The following TMPRSS13 variants were observed in gnomAD, a reference collection of about 807,000 sequenced individuals.
TMPRSS13 encodes the protein transmembrane protease serine 13.
TMPRSS13 carries 50 observed loss-of-function variants against 68.4 expected under a neutral mutation model. That is an observed-to-expected ratio of 0.73 (90% CI 0.58 to 0.93). The LOEUF (loss-of-function observed/expected upper bound fraction) is 0.93, where lower values mean the gene tolerates loss of function less well. Among genes scored for constraint, TMPRSS13 ranks in the 40% least tolerant of loss-of-function variants. TMPRSS13 has a pLI of 0.00. For missense variants in TMPRSS13, 615 were observed against 729.2 expected (o/e 0.84, Z 1.80); for synonymous variants, 267 against 285.8 (o/e 0.93, Z 0.66).
intron 5 of TMPRSS13, among the ~76,000 whole-genome samples, chr11:117,913,007 G>A (rs1379606822): frequency 1.3e-5 from 2 of 152,176 alleles, no homozygotes; most frequent in African/African-American, 4.8e-5. Context: ...ACAGGCTGAG[G>A]TGGGGTGGAG....
At chr11:117,909,687 C>T (rs1461224640) in intron 8 of TMPRSS13, 119 bp downstream of exon 8, 7 of 1,254,012 alleles carry the variant, frequency 5.6e-6, no homozygotes, top group Non-Finnish European at 6.6e-6. Context: ...CCAACTGGCC[C>T]ATGGGGGCTG....
intron 9 of TMPRSS13, among the ~76,000 whole-genome samples, chr11:117,906,061 A>G (rs1024792122): frequency 6.6e-6 from 1 of 152,238 alleles, no homozygotes; most frequent in Non-Finnish European, 1.5e-5. Context: ...GTCTCTCCCT[A>G]CTGAGAGGGT....
intron 6 of TMPRSS13, among the ~76,000 whole-genome samples, chr11:117,911,051 C>T (rs1296713876): frequency 6.6e-6 from 1 of 152,202 alleles, no homozygotes; most frequent in Non-Finnish European, 1.5e-5. Context: ...ACTTCATTGT[C>T]GCAGCATCTT....
chr11:117,911,383 C>G (rs191893949), intron 6 of TMPRSS13, among the ~76,000 whole-genome samples: 12 of 152,234 alleles, frequency 7.9e-5, no homozygotes, highest in African/African-American at 2.9e-4. Context: ...AGTAGAGGAG[C>G]GGCATGTGCA....
At chr11:117,910,888 G>T in intron 6 of TMPRSS13, 138 bp from the exon 7 acceptor site, 1 of 766,112 alleles carries the variant, frequency 1.3e-6, no homozygotes, top group Non-Finnish European at 2.1e-6. Context: ...GAGATTCTGA[G>T]CTTCCCCTTT....
chr11:117,924,417 C>T (rs1302375532), intron 1 of TMPRSS13, among the ~76,000 whole-genome samples: 1 of 152,118 alleles, frequency 6.6e-6, no homozygotes, highest in Non-Finnish European at 1.5e-5. Context: ...AGACAGAGGC[C>T]CCCGTGGCAG....
intron 11 of TMPRSS13, 60 bp downstream of exon 11, chr11:117,903,899 C>T (rs777374902): frequency 3.1e-6 from 5 of 1,596,590 alleles, no homozygotes; most frequent in Non-Finnish European, 4.3e-6. Context: ...AGCCCCAACA[C>T]CCCTGCCTCC....
chr11:117,925,126 G>A (rs1162276101), intron 1 of TMPRSS13, among the ~76,000 whole-genome samples: 2 of 152,214 alleles, frequency 1.3e-5, no homozygotes, highest in Admixed American at 1.3e-4. Context: ...AGTTTCCGTG[G>A]AGGTGCCTTG....
At position 117,929,294 on chromosome 11, in the gene TMPRSS13, C is replaced by G. The variant is rs906614435; in HGVS notation, c.14G>C (p.Ser5Thr). Residue 5 changes from serine (S) to threonine (T), a missense_variant, in exon 1 of 13, where the codon AGC (serine) becomes ACC (threonine). Transcript: ENST00000524993. The part of the protein sequence containing the change: MERD[S>T]HGNASPARTP... ...GCCTGAGGTCACACTCACCCCGTGG[C>G]TGTCCCTCTCCATGGTCTCTGAGGG... 1.2e-6 allele frequency: 2 copies of G among 1,606,012 alleles called. No individual in the cohort carries two copies. Among genetic ancestry groups the G allele is most frequent in the African/African-American group, 2.7e-5 (2 of 74,542 alleles).
chr11:117,925,397 G>A (rs760979363), intron 1 of TMPRSS13, among the ~76,000 whole-genome samples: 29 of 151,532 alleles, frequency 1.9e-4, no homozygotes, highest in Non-Finnish European at 2.9e-4. Flanking sequence ...TCATTCATTC[G>A]TTCATTCACT....
In TMPRSS13 at chr11:117,914,558, T is replaced by A; in HGVS notation, c.557-44A>T. On this transcript the variant is annotated intron_variant, in intron 3 of 12. Coordinates refer to ENST00000524993, the MANE Select transcript of TMPRSS13 (RefSeq NM_001077263.3). The surrounding 1 kb of genome is among the most constrained non-coding windows in gnomAD (Gnocchi z 4.2). Reference sequence around the variant, plus strand: ...ACAGCTGGGTCATGGCCAGCCCCACTGAGATGAGACACTGAGCAGCCCAAG... The same window carrying A: ...ACAGCTGGGTCATGGCCAGCCCCACAGAGATGAGACACTGAGCAGCCCAAG... 6.2e-7 allele frequency: 1 copy of A among 1,610,038 alleles called. No individual in the cohort carries two copies. The highest frequency in any genetic ancestry group is 8.5e-7 in the Non-Finnish European group (1 of 1,179,362).
chr11:117,927,563 C>T (rs2057718549), intron 1 of TMPRSS13, among the ~76,000 whole-genome samples: 1 of 152,178 alleles, frequency 6.6e-6, no homozygotes. Flanking sequence ...AGCCCACTGG[C>T]CACCATCTTC....
At chr11:117,906,167 T>C (rs1285739198) in intron 9 of TMPRSS13, among the ~76,000 whole-genome samples, 1 of 152,226 alleles carries the variant, frequency 6.6e-6, no homozygotes, top group Non-Finnish European at 1.5e-5. Flanking sequence ...CTCAGCGGTA[T>C]GTCCAGCCTG....
At position 117,901,896 on chromosome 11, in the gene TMPRSS13, C is replaced by T; in HGVS notation, c.*343G>A. 2.9e-6 allele frequency: 1 copy of T among 345,772 alleles called. No individual in the cohort carries two copies. Among genetic ancestry groups the T allele is most frequent in the Non-Finnish European group, 5.5e-6 (1 of 182,892 alleles). 21.4% of individuals were successfully genotyped at this position (345,772 alleles called of 1,614,324 possible). On this transcript the variant is annotated 3_prime_UTR_variant, in exon 13 of 13. Transcript: ENST00000524993. ...GTGAGGGTCAGAGAAGCAAGAATTC[C>T]CAGCTCTTCCTTGGGCTCTGGGCTC... is the stretch of plus-strand genomic sequence containing the variant.
chr11:117,915,677 T>C lies in TMPRSS13; in HGVS notation c.557-1163A>G, dbSNP rs1219328391. 6.6e-6 allele frequency among the ~76,000 whole-genome samples: 1 copy of C among 152,192 alleles called. No individual in the cohort carries two copies. Among genetic ancestry groups the C allele is most frequent in the Non-Finnish European group, 1.5e-5 (1 of 68,036 alleles). ...GGTGACCTGCACAAGTCAAGCCACCTCCTTAGCCCTGGAGGTCTAGAGGCC... is the reference window on the plus strand; with the variant it reads ...GGTGACCTGCACAAGTCAAGCCACCCCCTTAGCCCTGGAGGTCTAGAGGCC... On this transcript the variant is annotated intron_variant, in intron 3 of 12. Coordinates refer to ENST00000524993, the MANE Select transcript of TMPRSS13 (RefSeq NM_001077263.3). This position sits in a 1 kb window ranked among gnomAD's most constrained non-coding sequence, Gnocchi z 4.9.
Position 117,917,292 on chromosome 11 carries a change from G to C in TMPRSS13, c.452-18C>G, listed in dbSNP as rs574366092. ...GCTCGTACCTAGGAGCAGGGCGGCAGCAGGGGAATATGAGGCTGGAGAGGA... is the reference window on the plus strand; with the variant it reads ...GCTCGTACCTAGGAGCAGGGCGGCACCAGGGGAATATGAGGCTGGAGAGGA... On this transcript the variant is annotated intron_variant, in intron 2 of 12. Transcript: ENST00000524993. 5 of 1,600,234 alleles carry C rather than the reference G, an allele frequency of 3.1e-6. No homozygotes were observed. The African/African-American group carries it at 6.7e-5, about 21-fold the overall frequency.
chr11:117,925,279 G>A (rs1007222577), intron 1 of TMPRSS13, among the ~76,000 whole-genome samples: 2 of 152,174 alleles, frequency 1.3e-5, no homozygotes, highest in African/African-American at 4.8e-5. Flanking sequence ...AACTTGAAAG[G>A]GACTGGCCAG....
chr11:117,913,738 T>C (rs1444481913), intron 5 of TMPRSS13, 39 bp downstream of exon 5: 45 of 1,609,226 alleles, frequency 2.8e-5, no homozygotes, highest in Non-Finnish European at 3.7e-5. Flanking sequence ...GCCTGAGACA[T>C]CCCTGAAGCC....
intron 1 of TMPRSS13, among the ~76,000 whole-genome samples, chr11:117,928,626 A>G (rs971160895): frequency 2.6e-5 from 4 of 152,192 alleles, no homozygotes; most frequent in Non-Finnish European, 5.9e-5. Flanking sequence ...TCATGTGTGT[A>G]TGACTGGCTT....
Sources: gnomAD v4.1 joint callset for allele counts (sites outside exome capture counted in the v4.1 genomes callset) on GRCh38, gnomAD v4.1.1 for gene constraint, Gnocchi (gnomAD v3.1) non-coding constraint, MANE v1.5 for transcripts, NCBI Gene and HGNC (gene_info 2026-07-23, HGNC 2026-07-21) for gene names.